Variants in ITGA9 observed in about 807,000 individuals in gnomAD.
ITGA9 encodes the protein integrin subunit alpha 9.
A neutral mutation model predicts 127.8 loss-of-function variants in ITGA9; 56 were observed. That is an observed-to-expected ratio of 0.44 (90% CI 0.35 to 0.55). The LOEUF is 0.55. ITGA9 is among the 20% of genes least tolerant of loss of function. ITGA9 has a pLI of 0.00. For synonymous variants in ITGA9, 508 were observed against 514.5 expected (o/e 0.99, Z 0.17); for missense variants, 1,196 against 1,347.1 (o/e 0.89, Z 1.76).
chr3:37,578,344 G>A (rs1699672892), intron 15 of ITGA9, among the ~76,000 whole-genome samples: 1 of 152,176 alleles, frequency 6.6e-6, no homozygotes. Context: ...GGTAAGGGGT[G>A]GAGAAGCTTG....
chr3:37,751,434 A>G (rs1696584927), intron 23 of ITGA9, among the ~76,000 whole-genome samples: 1 of 152,184 alleles, frequency 6.6e-6, no homozygotes, highest in African/African-American at 2.4e-5. Flanking sequence ...CCCAGCATCT[A>G]GGAGTGTTCT....
chr3:37,794,744 T>A (rs1697152802), intron 26 of ITGA9, among the ~76,000 whole-genome samples: 1 of 152,244 alleles, frequency 6.6e-6, no homozygotes, highest in South Asian at 2.1e-4. Context: ...CTCATTCCTC[T>A]GCAAACTCTG....
intron 15 of ITGA9, among the ~76,000 whole-genome samples, chr3:37,594,007 T>C (rs1172293889): frequency 6.6e-6 from 1 of 152,232 alleles, no homozygotes; most frequent in East Asian, 1.9e-4. Context: ...GAGAGCCAGC[T>C]GAGGGTGACA....
At chr3:37,518,602 G>C (rs552003742) in intron 10 of ITGA9, among the ~76,000 whole-genome samples, 1 of 152,010 alleles carries the variant, frequency 6.6e-6, no homozygotes, top group Non-Finnish European at 1.5e-5. Context: ...GACTTTCTCA[G>C]TTACACAATA....
At chr3:37,743,029 A>G (rs73052961) in intron 21 of ITGA9, among the ~76,000 whole-genome samples, 34,571 of 152,098 alleles carry the variant, frequency 0.23, 4,122 homozygotes, top group Middle Eastern at 0.3. Context: ...TTGATCATGT[A>G]ATCAGTCCTT....
chr3:37,679,464 A>C (rs1253162499), intron 17 of ITGA9, among the ~76,000 whole-genome samples: 1 of 152,198 alleles, frequency 6.6e-6, no homozygotes, highest in East Asian at 1.9e-4. Flanking sequence ...GACAACCTTC[A>C]TGCCAAAGGA....
intron 1 of ITGA9, among the ~76,000 whole-genome samples, chr3:37,456,971 A>T (rs1160643545): frequency 6.6e-6 from 1 of 152,198 alleles, no homozygotes. Context: ...TGGACACAAC[A>T]CAGAGAGAAC....
At chr3:37,531,736 G>A (rs1038046922) in intron 13 of ITGA9, among the ~76,000 whole-genome samples, 1 of 152,206 alleles carries the variant, frequency 6.6e-6, no homozygotes, top group African/African-American at 2.4e-5. Flanking sequence ...AGTAAAATTT[G>A]TACTTATTTA....
In ITGA9 at chr3:37,533,216, G is replaced by C. The variant is rs1368658517; in HGVS notation, c.1374-98G>C. 2.7e-6 allele frequency: 3 copies of C among 1,091,026 alleles called. No individual in the cohort carries two copies. In the Admixed American group the frequency reaches 5.1e-5, roughly 19 times the overall value. The allele number at this position is 1,091,026 out of a possible 1,614,324, so 67.6% of individuals were successfully genotyped here. Reference sequence around the variant, plus strand: ...ATTTCATGCTTTAATTAAATGCTGGGTTGAAGGCCTAGGATTTATCCTGTT... The same window carrying C: ...ATTTCATGCTTTAATTAAATGCTGGCTTGAAGGCCTAGGATTTATCCTGTT... On this transcript the variant is annotated intron_variant, in intron 13 of 27. Transcript: ENST00000264741.
Position 37,820,675 on chromosome 3 carries a change from T to C in ITGA9, c.*1686T>C, listed in dbSNP as rs1697502944. On this transcript the variant is annotated 3_prime_UTR_variant, in exon 28 of 28. Transcript: ENST00000264741. ...ATCACTCAATAACTGTTAACAGCTATGGCTGCTATTCCTACTGATGGATAA... is the reference window on the plus strand; with the variant it reads ...ATCACTCAATAACTGTTAACAGCTACGGCTGCTATTCCTACTGATGGATAA... 6.6e-6 allele frequency: 1 copy of C among 152,216 alleles called. No homozygotes were observed. The highest frequency in any genetic ancestry group is 6.5e-5 in the Admixed American group (1 of 15,284). 9.4% of individuals were successfully genotyped at this position (152,216 alleles called of 1,614,324 possible).
intron 9 of ITGA9, among the ~76,000 whole-genome samples, chr3:37,516,110 C>A (rs1331650091): frequency 6.6e-6 from 1 of 152,142 alleles, no homozygotes; most frequent in Non-Finnish European, 1.5e-5. Context: ...AACAGCCAGA[C>A]TGTGTGTCTA....
intron 16 of ITGA9, among the ~76,000 whole-genome samples, chr3:37,634,124 A>C (rs2125637448): frequency 6.6e-6 from 1 of 152,304 alleles, no homozygotes; most frequent in East Asian, 1.9e-4. Context: ...CAAAGAACCA[A>C]ACCATACCAC....
rs575966092 is a variant in ITGA9 at position 37,551,623 on chromosome 3, G to A, written c.1689+9038G>A. On this transcript the variant is annotated intron_variant, in intron 15 of 27. Transcript: ENST00000264741. ...CTTTGTCTTCTCCACCCATTCCCAC[G>A]GCATCCATTCCTAAGGTCATTTGGA... is the stretch of plus-strand genomic sequence containing the variant. Among the ~76,000 whole-genome samples, 11 of 152,200 alleles carry A rather than the reference G, an allele frequency of 7.2e-5. No homozygotes were observed. In the South Asian group the frequency reaches 1.5e-3, roughly 20 times the overall value.
At chr3:37,476,033 T>A (rs1472159870) in intron 3 of ITGA9, among the ~76,000 whole-genome samples, 2 of 152,248 alleles carry the variant, frequency 1.3e-5, no homozygotes, top group Admixed American at 1.3e-4. Context: ...ATCTCCTTCC[T>A]TTTTAAAGGC....
At chr3:37,634,563 A>G (rs187030915) in intron 16 of ITGA9, among the ~76,000 whole-genome samples, 2 of 152,350 alleles carry the variant, frequency 1.3e-5, no homozygotes, top group Admixed American at 6.5e-5. Flanking sequence ...AATTGTAAAT[A>G]TATATGCACC....
chr3:37,667,751 A>G (rs551143994), intron 17 of ITGA9, among the ~76,000 whole-genome samples: 1 of 152,348 alleles, frequency 6.6e-6, no homozygotes, highest in South Asian at 2.1e-4. Flanking sequence ...CTGGTGCAGA[A>G]TAGGAAGCTG....
chr3:37,496,940 C>T (rs533761075), intron 5 of ITGA9, among the ~76,000 whole-genome samples: 2 of 152,354 alleles, frequency 1.3e-5, no homozygotes, highest in East Asian at 3.9e-4. Flanking sequence ...AATTGCACTT[C>T]AGACATGTTT....
intron 16 of ITGA9, among the ~76,000 whole-genome samples, chr3:37,639,267 C>T (rs1700310212): frequency 6.6e-6 from 1 of 152,150 alleles, no homozygotes; most frequent in Non-Finnish European, 1.5e-5. Flanking sequence ...TGTGTGTCTA[C>T]TTTATGTAAG....
At chr3:37,790,305 A>G (rs1209548728) in intron 26 of ITGA9, 3 of 535,926 alleles carry the variant, frequency 5.6e-6, no homozygotes, top group Non-Finnish European at 1.1e-5. Context: ...TAATTTCTGG[A>G]TAGAGACTAA....
Sources: gnomAD v4.1 joint callset for allele counts (sites outside exome capture counted in the v4.1 genomes callset) on GRCh38, gnomAD v4.1.1 for gene constraint, MANE v1.5 for transcripts, NCBI Gene and HGNC (gene_info 2026-07-23, HGNC 2026-07-21) for gene names.